INSR: variants seen among roughly 807,000 people sequenced by gnomAD.
INSR encodes the protein IR.
Under a neutral mutation model 142.6 loss-of-function variants are expected in INSR, and 67 were observed. The observed-to-expected ratio is 0.47, with a 90% CI of 0.39 to 0.58. The LOEUF (loss-of-function observed/expected upper bound fraction) is 0.58, where lower values mean the gene tolerates loss of function less well. Ranked by LOEUF, INSR falls within the 20% of genes least tolerant of loss-of-function variation. The probability of loss-of-function intolerance (pLI) is 0.00; values close to 1 mark genes in which losing one functional copy is unlikely to be tolerated. For synonymous variants in INSR, 756 were observed against 743.1 expected (o/e 1.02, Z -0.28); for missense variants, 1,248 against 1,833.2 (o/e 0.68, Z 5.83).
rs373196983 is a variant in INSR at position 7,267,696 on chromosome 19, C to T, written c.301G>A (p.Asp101Asn). 1 of 1,614,086 alleles carries T rather than the reference C, an allele frequency of 6.2e-7. No individual in the cohort carries two copies. Among genetic ancestry groups the T allele is most frequent in the Non-Finnish European group, 8.5e-7 (1 of 1,180,008 alleles). The change falls in exon 2 of 22, where the codon GAC (aspartate) becomes AAC (asparagine). Residue 101 changes from aspartate (D) to asparagine (N), a missense_variant. This residue lies in a region of INSR where 1,069 missense variants were observed against 1,654.0 expected (regional missense o/e 0.65). Coordinates refer to ENST00000302850, the MANE Select transcript of INSR (RefSeq NM_000208.4). This position sits in a 1 kb window ranked among gnomAD's most constrained non-coding sequence, Gnocchi z 6.3. ...ATGACCGTGAGGTTGGGGAACAGGT[C>T]CTTCAGGCTCTCGAGCCCATAGACC... The part of the protein sequence containing the change: ...FRVYGLESLK[D>N]LFPNLTVIRG...
At chr19:7,219,107 AAAAC>A (rs956105095) in intron 2 of INSR, among the ~76,000 whole-genome samples, 5 of 152,214 alleles carry the variant, frequency 3.3e-5, no homozygotes, top group African/African-American at 9.6e-5. Context: ...GTGGATTTAA[AAAAC>A]AAACAAACAA....
chr19:7,190,382 T>C (rs1974547325), intron 2 of INSR, among the ~76,000 whole-genome samples: 1 of 149,026 alleles, frequency 6.7e-6, no homozygotes, highest in Non-Finnish European at 1.5e-5. Flanking sequence ...TTTTTTTTTT[T>C]TTTTTTTTGA....
intron 3 of INSR, among the ~76,000 whole-genome samples, chr19:7,184,067 A>AAAAAAAAAAAAAAAAAAAAC (rs1158364785): frequency 6.0e-5 from 9 of 151,176 alleles, no homozygotes; most frequent in African/African-American, 2.2e-4. Flanking sequence ...TCTCAAAAAA[A>AAAAAAAAAAAAAAAAAAAAC]AAAAAAAAGA....
intron 2 of INSR, among the ~76,000 whole-genome samples, chr19:7,188,343 C>T (rs751449450): frequency 1.3e-4 from 19 of 151,768 alleles, no homozygotes; most frequent in Non-Finnish European, 2.4e-4. Context: ...GTCAGGAGTT[C>T]AAGACCAGCC....
intron 9 of INSR, among the ~76,000 whole-genome samples, chr19:7,158,602 AAGG>A (rs1293760087): frequency 1.3e-5 from 2 of 152,092 alleles, no homozygotes; most frequent in Admixed American, 6.6e-5. Context: ...GGGCTGGGGG[AAGG>A]AGAAGGGGAG....
intron 2 of INSR, among the ~76,000 whole-genome samples, chr19:7,224,243 ATTTTTTTTT>A (rs11387492): frequency 7.3e-6 from 1 of 137,362 alleles, no homozygotes; most frequent in African/African-American, 2.7e-5. Context: ...CACCAGGCCA[ATTTTTTTTT>A]TTTTTTTTTT....
chr19:7,140,549 C>T (rs1045415683), intron 13 of INSR, among the ~76,000 whole-genome samples: 2 of 152,180 alleles, frequency 1.3e-5, no homozygotes, highest in African/African-American at 4.8e-5. Context: ...TGATTCTATT[C>T]TTCCAGGTTT....
Position 7,166,376 on chromosome 19 carries a change from C to G in INSR, c.1639G>C (p.Gly547Arg), listed in dbSNP as rs747554207. 6.2e-7 allele frequency: 1 copy of G among 1,614,010 alleles called. No individual in the cohort carries two copies. The highest frequency in any genetic ancestry group is 2.2e-5 in the East Asian group (1 of 44,868). The change falls in exon 8 of 22, where the codon GGG becomes CGG. Residue 547 changes from glycine to arginine, a missense_variant. By Grantham distance (125) the Gly-to-Arg change is moderately radical. Transcript: ENST00000302850. The surrounding 1 kb of genome is among the most constrained non-coding windows in gnomAD (Gnocchi z 4.1). ...APYQNVTEFD[G>R]QDACGSNSWT... ...CTGTTGGAACCACACGCATCCTGCCCGTCGAACTCCGTCACATTCTGATAA... is the reference window on the plus strand; with the variant it reads ...CTGTTGGAACCACACGCATCCTGCCGGTCGAACTCCGTCACATTCTGATAA...
chr19:7,282,768 G>A (rs189131213), intron 1 of INSR, among the ~76,000 whole-genome samples: 1,554 of 151,824 alleles, frequency 0.01, 25 homozygotes, highest in African/African-American at 0.034. Flanking sequence ...GGGGGATCAC[G>A]AGGTCAGGAG....
chr19:7,267,761 G>A lies in INSR; in HGVS notation c.236C>T (p.Pro79Leu), dbSNP rs1331668429. ...RPEDFRDLSF[P>L]KLIMITDYLL... ...GTAATCAGTGATCATGATGAGTTTG[G>A]GGAAACTGAGGTCTCGGAAATCTTC... Residue 79 changes from proline to leucine, a missense_variant, in exon 2 of 22, where the codon CCC becomes CTC. By Grantham distance (98) the Pro-to-Leu change is moderately conservative. Coordinates refer to ENST00000302850, the MANE Select transcript of INSR (RefSeq NM_000208.4). This position sits in a 1 kb window ranked among gnomAD's most constrained non-coding sequence, Gnocchi z 6.3. The A allele has an allele frequency of 1.2e-6, 2 of 1,614,020 alleles. No individual in the cohort carries two copies. Among genetic ancestry groups the A allele is most frequent in the Non-Finnish European group, 1.7e-6 (2 of 1,180,032 alleles).
In INSR at chr19:7,117,143, G is replaced by A; in HGVS notation, c.4062C>T (p.Ser1354=). 1 of 1,614,074 alleles carries A rather than the reference G, an allele frequency of 6.2e-7. No individual in the cohort carries two copies. The highest frequency in any genetic ancestry group is 8.5e-7 in the Non-Finnish European group (1 of 1,180,006). Residue 1354 remains serine, a synonymous_variant, in exon 22 of 22, where the codon AGC becomes AGT. Coordinates refer to ENST00000302850, the MANE Select transcript of INSR (RefSeq NM_000208.4). ...DGGSSLGFKR[S]YEEHIPYTHM... Reference sequence around the variant, plus strand: ...GTGTGTAAGGGATGTGTTCCTCGTAGCTCCGCTTGAAACCCAGCGAGGACC... The same window carrying A: ...GTGTGTAAGGGATGTGTTCCTCGTAACTCCGCTTGAAACCCAGCGAGGACC...
intron 2 of INSR, among the ~76,000 whole-genome samples, chr19:7,185,841 C>CAAAAAAAAAAAAAAA (rs754262409): frequency 1.6e-3 from 74 of 44,974 alleles, no homozygotes; most frequent in Non-Finnish European, 1.9e-3. Context: ...AAAATTCTGT[C>CAAAAAAAAAAAAAAA]AAAAAAAAAA....
At chr19:7,118,914 CAAAAAAAAAAA>C (rs59739401) in intron 21 of INSR, among the ~76,000 whole-genome samples, 2 of 68,896 alleles carry the variant, frequency 2.9e-5, no homozygotes, top group Admixed American at 3.9e-4. Flanking sequence ...GATTCCGTCT[CAAAAAAAAAAA>C]AAAAAAAAAA....
chr19:7,198,248 C>T (rs1052449817), intron 2 of INSR, among the ~76,000 whole-genome samples: 3 of 151,124 alleles, frequency 2.0e-5, no homozygotes, highest in African/African-American at 7.3e-5. Flanking sequence ...GGGCGTGCTG[C>T]AGGGGCGCTG....
chr19:7,285,476 A>G lies in INSR; in HGVS notation c.100+8316T>C, dbSNP rs945598007. Among the ~76,000 whole-genome samples the G allele has an allele frequency of 7.9e-5, 12 of 151,954 alleles. No individual in the cohort carries two copies. In the South Asian group the frequency reaches 1.0e-3, roughly 13 times the overall value. On this transcript the variant is annotated intron_variant, in intron 1 of 21. Coordinates refer to ENST00000302850, the MANE Select transcript of INSR (RefSeq NM_000208.4). Reference sequence around the variant, plus strand: ...CTCAAAAATAAATAAATAAATAAATAACAATAAAAACTAGCTGAGCATGGT... The same window carrying G: ...CTCAAAAATAAATAAATAAATAAATGACAATAAAAACTAGCTGAGCATGGT...
At chr19:7,242,250 C>T (rs56149994) in intron 2 of INSR, among the ~76,000 whole-genome samples, 41,824 of 151,454 alleles carry the variant, frequency 0.28, 7,269 homozygotes, top group African/African-American at 0.49. Flanking sequence ...GTTCCTGTAG[C>T]CCCAGCTACT....
In INSR at chr19:7,174,568, C is replaced by T. The variant is rs754819539; in HGVS notation, c.1123+15G>A. The T allele has an allele frequency of 5.0e-6, 8 of 1,613,952 alleles. No individual in the cohort carries two copies. In the Admixed American group the frequency reaches 1.3e-4, roughly 27 times the overall value. On this transcript the variant is annotated intron_variant, in intron 4 of 21. Coordinates refer to ENST00000302850, the MANE Select transcript of INSR (RefSeq NM_000208.4). ...GCCCAACAGGCACCCCCGACGCCCA[C>T]ACAGAGACACTCACTGCCTCCTCGA...
intron 3 of INSR, among the ~76,000 whole-genome samples, chr19:7,175,025 G>A (rs1974105498): frequency 6.6e-6 from 1 of 151,906 alleles, no homozygotes; most frequent in Non-Finnish European, 1.5e-5. Flanking sequence ...GTATTTTTGA[G>A]TAGAGACGGG....
intron 1 of INSR, among the ~76,000 whole-genome samples, chr19:7,273,600 A>T (rs888252555): frequency 6.6e-6 from 1 of 150,494 alleles, no homozygotes; most frequent in Non-Finnish European, 1.5e-5. Context: ...CTTGCTGCAA[A>T]CTCCACTTCT....
Sources: allele counts gnomAD v4.1 joint callset (sites outside exome capture counted in the v4.1 genomes callset), GRCh38; gene constraint gnomAD v4.1.1; regional missense constraint gnomAD v4.1.1; non-coding constraint Gnocchi (gnomAD v3.1); transcripts MANE v1.5; gene names NCBI Gene and HGNC (gene_info 2026-07-23, HGNC 2026-07-21).